GABBR2: variants seen among roughly 807,000 people sequenced by gnomAD.
GABBR2 encodes G-protein coupled receptor 51.
Under a neutral mutation model 105.6 loss-of-function variants are expected in GABBR2, and 23 were observed. The observed-to-expected ratio is 0.22, with a 90% CI of 0.16 to 0.31. GABBR2 has a LOEUF of 0.31. Ranked by LOEUF, GABBR2 falls within the 10% of genes least tolerant of loss-of-function variation. The pLI is 1.00. For synonymous variants in GABBR2, 478 were observed against 499.7 expected (o/e 0.96, Z 0.58); for missense variants, 734 against 1,245.5 (o/e 0.59, Z 6.18).
rs1460912211 is a variant in GABBR2, at chr9:98,482,924, G to T, written c.733-1927C>A. On this transcript the variant is annotated intron_variant, in intron 4 of 18. Coordinates refer to ENST00000259455, the MANE Select transcript of GABBR2 (RefSeq NM_005458.8). ...GCCCATCCCTAAATGCTGGTGTTCT[G>T]TCCTTAGCTCTTTGCTCCCATCACT... 2.0e-5 allele frequency among the ~76,000 whole-genome samples: 3 copies of T among 151,904 alleles called. No homozygotes were observed. In the South Asian group the frequency reaches 6.2e-4, roughly 32 times the overall value.
chr9:98,499,457 G>A (rs1374572447), intron 3 of GABBR2, among the ~76,000 whole-genome samples: 5 of 152,224 alleles, frequency 3.3e-5, no homozygotes, highest in Non-Finnish European at 5.9e-5. Context: ...CAGATGGTCA[G>A]TGAGGTCAGC....
At chr9:98,641,015 GAGGCCTTACTGA>G (rs1296854834) in intron 1 of GABBR2, among the ~76,000 whole-genome samples, 5 of 152,106 alleles carry the variant, frequency 3.3e-5, no homozygotes, top group Non-Finnish European at 7.3e-5. Context: ...GAAAAGCCTG[GAGGCCTTACTGA>G]AATGCACATA....
chr9:98,596,989 C>CT (rs773936128), intron 1 of GABBR2, among the ~76,000 whole-genome samples: 6 of 152,152 alleles, frequency 3.9e-5, no homozygotes, highest in African/African-American at 7.2e-5. Context: ...CCAGGGCTGA[C>CT]TCGCCTTCCC....
intron 7 of GABBR2, among the ~76,000 whole-genome samples, chr9:98,436,357 ATATAT>A (rs1825917244): frequency 3.1e-4 from 1 of 3,258 alleles, no homozygotes; most frequent in African/African-American, 8.9e-4. Flanking sequence ...CCATATATAT[ATATAT>A]ATATATATAT....
intron 13 of GABBR2, among the ~76,000 whole-genome samples, chr9:98,330,704 AT>A (rs2131390068): frequency 6.6e-6 from 1 of 152,330 alleles, no homozygotes; most frequent in South Asian, 2.1e-4. Context: ...TTTACCTGGA[AT>A]GTCCTTATGT....
chr9:98,544,073 G>C (rs985206293), intron 2 of GABBR2, among the ~76,000 whole-genome samples: 3 of 141,976 alleles, frequency 2.1e-5, no homozygotes, highest in Non-Finnish European at 4.6e-5. Flanking sequence ...CTTTGATCCA[G>C]AGAGGGCATG....
At chr9:98,671,641 C>A (rs1396703447) in intron 1 of GABBR2, among the ~76,000 whole-genome samples, 1 of 152,198 alleles carries the variant, frequency 6.6e-6, no homozygotes, top group Non-Finnish European at 1.5e-5. Flanking sequence ...TCTCTACATC[C>A]TCACCAGCAC....
chr9:98,680,097 G>GA (rs1050256311), intron 1 of GABBR2, among the ~76,000 whole-genome samples: 6 of 151,892 alleles, frequency 4.0e-5, no homozygotes, highest in Non-Finnish European at 4.4e-5. Flanking sequence ...ATGAGTGAGG[G>GA]AAAAAACATC....
intron 17 of GABBR2, among the ~76,000 whole-genome samples, chr9:98,297,592 A>G (rs1398794583): frequency 6.6e-6 from 1 of 151,898 alleles, no homozygotes; most frequent in Admixed American, 6.6e-5. Flanking sequence ...CAGCCTGGGC[A>G]ACAAGAGCGA....
chr9:98,325,333 C>A (rs1006183147), intron 13 of GABBR2, among the ~76,000 whole-genome samples: 1 of 144,000 alleles, frequency 6.9e-6, no homozygotes, highest in Non-Finnish European at 1.5e-5. Flanking sequence ...GCTCTGTCAC[C>A]CAGGCTGGAG....
chr9:98,706,100 CA>C (rs1261779483), intron 1 of GABBR2, among the ~76,000 whole-genome samples: 1 of 31,288 alleles, frequency 3.2e-5, no homozygotes, highest in Non-Finnish European at 8.0e-5. Context: ...CAAAACAAAA[CA>C]AAAAAAACAA....
chr9:98,658,419 GAA>G (rs1830211297), intron 1 of GABBR2, among the ~76,000 whole-genome samples: 1 of 152,134 alleles, frequency 6.6e-6, no homozygotes, highest in Non-Finnish European at 1.5e-5. Flanking sequence ...ATGAATGAAT[GAA>G]TGAATGTATG....
Position 98,372,980 on chromosome 9 carries a change from T to A in GABBR2, c.1663-1409A>T, listed in dbSNP as rs1046090597. Among the ~76,000 whole-genome samples the A allele has an allele frequency of 2.0e-5, 3 of 151,948 alleles. 1 individual carries two copies. The highest frequency in any genetic ancestry group is 4.2e-4 in the South Asian group (2 of 4,818). On this transcript the variant is annotated intron_variant, in intron 11 of 18. Coordinates refer to ENST00000259455, the MANE Select transcript of GABBR2 (RefSeq NM_005458.8). ...TTTTCTTTTTCTTTTTCTTTTTTTT[T>A]AATTTCACAAACAAGGAGAAATCAG... is the stretch of plus-strand genomic sequence containing the variant.
At chr9:98,397,387 G>T (rs567587109) in intron 8 of GABBR2, among the ~76,000 whole-genome samples, 14 of 151,748 alleles carry the variant, frequency 9.2e-5, no homozygotes, top group African/African-American at 3.4e-4. Flanking sequence ...CCAGGCTCTG[G>T]GCTAGGGGCC....
In GABBR2 at chr9:98,454,044, C is replaced by T. The variant is rs748004197; in HGVS notation, c.1173G>A (p.Thr391=). Residue 391 remains threonine, a synonymous_variant, in exon 7 of 19, where the codon ACG becomes ACA. Coordinates refer to ENST00000259455, the MANE Select transcript of GABBR2 (RefSeq NM_005458.8). The surrounding 1 kb of genome is among the most constrained non-coding windows in gnomAD (Gnocchi z 4.6). ...GGATGATCCTGCCCAGCGTGTGGTC[C>T]GTGTAGTTGAAGTCCTGGATCCGCT... ...RHQRIQDFNY[T]DHTLGRIILN... is the part of the protein sequence containing the mutation. The T allele has an allele frequency of 1.1e-5, 17 of 1,614,050 alleles. No individual in the cohort carries two copies. Among genetic ancestry groups the T allele is most frequent in the South Asian group, 4.4e-5 (4 of 91,084 alleles).
chr9:98,614,965 C>G (rs935188324), intron 1 of GABBR2, among the ~76,000 whole-genome samples: 4 of 152,210 alleles, frequency 2.6e-5, no homozygotes, highest in Admixed American at 2.0e-4. Context: ...GTTGTTCTCT[C>G]AACCTGGAAC....
chr9:98,675,764 C>T (rs1000301940), intron 1 of GABBR2, among the ~76,000 whole-genome samples: 9 of 152,096 alleles, frequency 5.9e-5, no homozygotes, highest in African/African-American at 2.2e-4. Flanking sequence ...ATATCCGCCA[C>T]CTTTTGCTTT....
At chr9:98,650,671 G>A (rs547557503) in intron 1 of GABBR2, among the ~76,000 whole-genome samples, 1 of 152,162 alleles carries the variant, frequency 6.6e-6, no homozygotes, top group Non-Finnish European at 1.5e-5. Context: ...AAGCCAAGAG[G>A]GGGAGGCAAC....
chr9:98,637,574 A>C (rs1037146033), intron 1 of GABBR2, among the ~76,000 whole-genome samples: 1 of 152,148 alleles, frequency 6.6e-6, no homozygotes, highest in East Asian at 1.9e-4. Context: ...AATTACAAGC[A>C]TCCTTAAAAG....
Sources: allele counts gnomAD v4.1 joint callset (sites outside exome capture counted in the v4.1 genomes callset), GRCh38; gene constraint gnomAD v4.1.1; non-coding constraint Gnocchi (gnomAD v3.1); transcripts MANE v1.5; gene names NCBI Gene and HGNC (gene_info 2026-07-23, HGNC 2026-07-21).